The following WWOX variants were observed in gnomAD, a reference collection of about 807,000 sequenced individuals.
The protein encoded by WWOX is WW domain containing oxidoreductase, also known as WW domain-containing oxidoreductase.
Under a neutral mutation model 46.2 loss-of-function variants are expected in WWOX, and 69 were observed. The ratio of observed to expected loss-of-function variants is 1.49; its 90% CI spans 1.23 to 1.82. The LOEUF is 1.82. Ranked by LOEUF, WWOX falls within the 40% of genes most tolerant of loss-of-function variation. The probability of loss-of-function intolerance (pLI) is 0.00; values close to 1 mark genes in which losing one functional copy is unlikely to be tolerated. For synonymous variants in WWOX, 359 were observed against 202.6 expected (o/e 1.77, Z -6.56); for missense variants, 919 against 542.6 (o/e 1.69, Z -6.89).
At chr16:78,791,087 C>A (rs961511443) in intron 8 of WWOX, among the ~76,000 whole-genome samples, 1 of 150,536 alleles carries the variant, frequency 6.6e-6, no homozygotes, top group Non-Finnish European at 1.5e-5. Context: ...GAAGCCTCCA[C>A]ACAGGGCCCC....
intron 8 of WWOX, among the ~76,000 whole-genome samples, chr16:79,000,271 A>G (rs1025841511): frequency 6.6e-6 from 1 of 152,146 alleles, no homozygotes; most frequent in Admixed American, 6.5e-5. Context: ...TTTAGATCCC[A>G]TCTCTGGTAG....
At chr16:79,119,981 A>C (rs541679245) in intron 8 of WWOX, among the ~76,000 whole-genome samples, 1 of 152,180 alleles carries the variant, frequency 6.6e-6, no homozygotes, top group Non-Finnish European at 1.5e-5. Context: ...ACTTTCCTAC[A>C]GTCCAGTGTC....
At chr16:78,723,144 G>T (rs1567515893) in intron 8 of WWOX, among the ~76,000 whole-genome samples, 2 of 152,184 alleles carry the variant, frequency 1.3e-5, no homozygotes. Flanking sequence ...TCAACTGCTG[G>T]CCTGCCGCTT....
At chr16:78,717,803 C>G (rs2048599317) in intron 8 of WWOX, among the ~76,000 whole-genome samples, 3 of 152,214 alleles carry the variant, frequency 2.0e-5, no homozygotes, top group South Asian at 2.1e-4. Context: ...GAAGGATGCC[C>G]TGTGGTTTTT....
intron 5 of WWOX, among the ~76,000 whole-genome samples, chr16:78,290,277 C>T (rs1017392059): frequency 7.4e-5 from 11 of 149,580 alleles, no homozygotes; most frequent in African/African-American, 2.5e-4. Context: ...GCTCCCTCCT[C>T]GTTCCCCCCC....
At chr16:78,586,870 G>T (rs780173871) in intron 8 of WWOX, among the ~76,000 whole-genome samples, 3 of 152,120 alleles carry the variant, frequency 2.0e-5, no homozygotes, top group Non-Finnish European at 4.4e-5. Context: ...ATGCCATTAT[G>T]ACTGTGTACC....
chr16:78,374,775 C>T lies in WWOX; in HGVS notation c.517-12085C>T, dbSNP rs146713250. 6.2e-3 allele frequency among the ~76,000 whole-genome samples: 949 copies of T among 152,114 alleles called. 21 individuals carry two copies. In the East Asian group the frequency reaches 0.082, roughly 13 times the overall value. On this transcript the variant is annotated intron_variant, in intron 5 of 8. Coordinates refer to ENST00000566780, the MANE Select transcript of WWOX (RefSeq NM_016373.4). ...CCGTGTTAGCCAGGATGGTCTTGAT[C>T]TCCTGACCTTGTGGTCCGTCTGCCT...
At chr16:79,043,048 A>G (rs960627463) in intron 8 of WWOX, among the ~76,000 whole-genome samples, 7 of 152,134 alleles carry the variant, frequency 4.6e-5, no homozygotes, top group African/African-American at 1.7e-4. Flanking sequence ...CTCTCCTGTC[A>G]TCAAGAGTTC....
At chr16:79,156,855 A>G (rs59087812) in intron 8 of WWOX, among the ~76,000 whole-genome samples, 2,414 of 141,418 alleles carry the variant, frequency 0.017, 92 homozygotes, top group African/African-American at 0.068. Flanking sequence ...TCTTCTCTAC[A>G]GGCTGAAGGA....
chr16:78,951,186 C>G (rs1239387337), intron 8 of WWOX, among the ~76,000 whole-genome samples: 1 of 152,188 alleles, frequency 6.6e-6, no homozygotes, highest in East Asian at 1.9e-4. Context: ...GTGGCTGGAT[C>G]TAAGTGATTA....
chr16:78,240,346 A>G (rs535097670), intron 5 of WWOX, among the ~76,000 whole-genome samples: 21 of 152,154 alleles, frequency 1.4e-4, no homozygotes, highest in Admixed American at 1.1e-3. Context: ...GACAAAACAG[A>G]AAAAGGAGGA....
chr16:78,623,954 A>G (rs2046249814), intron 8 of WWOX, among the ~76,000 whole-genome samples: 1 of 152,162 alleles, frequency 6.6e-6, no homozygotes, highest in African/African-American at 2.4e-5. Context: ...CTACAGGTCA[A>G]GTTGGGACTT....
At chr16:78,879,951 GT>G (rs1444467226) in intron 8 of WWOX, among the ~76,000 whole-genome samples, 3 of 151,958 alleles carry the variant, frequency 2.0e-5, no homozygotes, top group Non-Finnish European at 4.4e-5. Flanking sequence ...TTATCCTTTA[GT>G]TTAAGCCTCA....
At chr16:78,407,130 T>G (rs938282312) in intron 6 of WWOX, among the ~76,000 whole-genome samples, 17 of 152,316 alleles carry the variant, frequency 1.1e-4, no homozygotes, top group African/African-American at 4.1e-4. Flanking sequence ...CAGCTCTAGC[T>G]ATTTAAGCAG....
At chr16:79,207,103 G>A (rs1281790066) in intron 8 of WWOX, among the ~76,000 whole-genome samples, 1 of 152,190 alleles carries the variant, frequency 6.6e-6, no homozygotes, top group African/African-American at 2.4e-5. Context: ...GAAAGACAGG[G>A]CGTGTAGACG....
At chr16:78,445,502 G>C (rs1458434961) in intron 8 of WWOX, among the ~76,000 whole-genome samples, 1 of 152,188 alleles carries the variant, frequency 6.6e-6, no homozygotes, top group Non-Finnish European at 1.5e-5. Context: ...TGGAAATGAA[G>C]AGACAAACCA....
chr16:78,374,702 C>G (rs1028119940), intron 5 of WWOX, among the ~76,000 whole-genome samples: 6 of 151,976 alleles, frequency 3.9e-5, no homozygotes, highest in African/African-American at 1.5e-4. Flanking sequence ...GTGCCCGCCA[C>G]CAGGCCTGGC....
rs187540336 is a variant in WWOX, at chr16:78,694,765, A to G, written c.1056+262013A>G. On this transcript the variant is annotated intron_variant, in intron 8 of 8. Coordinates refer to ENST00000566780, the MANE Select transcript of WWOX (RefSeq NM_016373.4). Reference sequence around the variant, plus strand: ...ACGCTTTATTGGAATATCAACTATTACAGCTTTTTGAAGTTACTCTTCCTG... The same window carrying G: ...ACGCTTTATTGGAATATCAACTATTGCAGCTTTTTGAAGTTACTCTTCCTG... Among the ~76,000 whole-genome samples, 79 of 152,256 alleles carry G rather than the reference A, an allele frequency of 5.2e-4. 1 individual carries two copies. Among genetic ancestry groups the G allele is most frequent in the African/African-American group, 1.7e-3 (70 of 41,548 alleles).
chr16:78,212,383 T>G (rs1351862298), intron 5 of WWOX, among the ~76,000 whole-genome samples: 1 of 152,198 alleles, frequency 6.6e-6, no homozygotes, highest in Non-Finnish European at 1.5e-5. Context: ...GGAAGTGTAA[T>G]CCTACTGTGA....
Sources: gnomAD v4.1 joint callset for allele counts (sites outside exome capture counted in the v4.1 genomes callset) on GRCh38, gnomAD v4.1.1 for gene constraint, MANE v1.5 for transcripts, NCBI Gene and HGNC (gene_info 2026-07-23, HGNC 2026-07-21) for gene names.